Variants in NAV3 observed in about 807,000 individuals in gnomAD.
NAV3 encodes the protein neuron navigator 3, also known as pore membrane and/or filament interacting like protein 1.
Under a neutral mutation model 244.7 loss-of-function variants are expected in NAV3, and 87 were observed. The observed-to-expected ratio is 0.36, with a 90% CI of 0.30 to 0.42. NAV3 has a LOEUF of 0.42. Among genes scored for constraint, NAV3 ranks in the 20% least tolerant of loss-of-function variants. NAV3 has a pLI of 1.00. For missense variants in NAV3, 2,663 were observed against 2,893.3 expected (o/e 0.92, Z 1.83); for synonymous variants, 1,126 against 1,042.2 (o/e 1.08, Z -1.55).
chr12:77,772,416 C>G (rs973496063), intron 2 of NAV3, among the ~76,000 whole-genome samples: 63 of 152,148 alleles, frequency 4.1e-4, no homozygotes, highest in Non-Finnish European at 3.4e-4. Context: ...TAAACTTCAA[C>G]TCTACTGGTC....
intron 2 of NAV3, among the ~76,000 whole-genome samples, chr12:77,804,090 CTGA>C (rs1871849427): frequency 1.3e-5 from 2 of 152,106 alleles, no homozygotes; most frequent in Non-Finnish European, 2.9e-5. Flanking sequence ...CCTGTTCACT[CTGA>C]TGATAGTTTT....
At chr12:77,976,583 T>C (rs1430600454) in intron 5 of NAV3, among the ~76,000 whole-genome samples, 3 of 152,018 alleles carry the variant, frequency 2.0e-5, no homozygotes, top group Non-Finnish European at 2.9e-5. Context: ...CCATTCTAAA[T>C]AGTTTATACA....
chr12:77,951,255 C>T (rs932259204), intron 3 of NAV3, among the ~76,000 whole-genome samples: 20 of 152,106 alleles, frequency 1.3e-4, no homozygotes, highest in South Asian at 4.1e-4. Flanking sequence ...AACAAGTGGG[C>T]GAAGGATATG....
chr12:78,188,621 C>T lies in NAV3; in HGVS notation c.5899C>T (p.Arg1967Ter), dbSNP rs776913840. The change falls in exon 33 of 40, where the codon CGA (arginine) becomes TGA (stop). Residue 1967 changes from arginine to a stop codon, truncating the protein, a stop_gained. Transcript: ENST00000397909. LOFTEE classifies it high-confidence loss of function. ...TGTACCATTGTAGGAATATGTATTC[C>T]GAATTGATACATCCACTAGCCTTGG... ...IRRLFKEYVF[R>*]IDTSTSLGLS... The T allele has an allele frequency of 6.2e-7, 1 of 1,610,030 alleles. No homozygotes were observed. The highest frequency in any genetic ancestry group is 1.7e-5 in the Admixed American group (1 of 59,506).
intron 3 of NAV3, among the ~76,000 whole-genome samples, chr12:77,965,039 G>T (rs989461379): frequency 6.6e-6 from 1 of 152,096 alleles, no homozygotes. Flanking sequence ...AACTCTGTGT[G>T]TCCTCATGCA....
At chr12:77,786,963 T>C (rs1398255674) in intron 2 of NAV3, among the ~76,000 whole-genome samples, 2 of 152,024 alleles carry the variant, frequency 1.3e-5, no homozygotes, top group Non-Finnish European at 2.9e-5. Flanking sequence ...AAAAGAGCCT[T>C]GTTGTTTAAT....
At chr12:78,182,713 GT>G (rs529587128) in intron 30 of NAV3, among the ~76,000 whole-genome samples, 88 of 151,646 alleles carry the variant, frequency 5.8e-4, no homozygotes, top group African/African-American at 2.1e-3. Context: ...CAAGTTTTAC[GT>G]TTTTTTAATA....
chr12:77,944,320 A>C (rs888613600), intron 3 of NAV3, among the ~76,000 whole-genome samples: 7 of 152,266 alleles, frequency 4.6e-5, no homozygotes, highest in African/African-American at 1.7e-4. Flanking sequence ...AGATCACCCT[A>C]GATGCTTTAT....
chr12:77,976,666 C>CTTTCTTTTTTTTTTT (rs1446044531), intron 5 of NAV3, among the ~76,000 whole-genome samples: 18 of 58,064 alleles, frequency 3.1e-4, no homozygotes, highest in East Asian at 5.4e-4. Context: ...TTCTTTCTTT[C>CTTTCTTTTTTTTTTT]TTTTTTTCTT....
intron 1 of NAV3, among the ~76,000 whole-genome samples, chr12:77,923,707 G>C (rs1340657894): frequency 6.6e-6 from 1 of 152,072 alleles, no homozygotes; most frequent in East Asian, 1.9e-4. Context: ...AAGGACCCCA[G>C]CAGTGGAAAC....
At chr12:78,002,638 G>A (rs1873498431) in intron 7 of NAV3, among the ~76,000 whole-genome samples, 1 of 151,992 alleles carries the variant, frequency 6.6e-6, no homozygotes, top group South Asian at 2.1e-4. Context: ...TCAAAGAACT[G>A]AACTGTTTTC....
At chr12:77,878,428 CAT>C (rs890708728) in intron 1 of NAV3, among the ~76,000 whole-genome samples, 23 of 152,044 alleles carry the variant, frequency 1.5e-4, no homozygotes, top group African/African-American at 5.5e-4. Context: ...AGGGTTTCAC[CAT>C]GTTGGTCAGG....
At chr12:77,946,519 G>GA (rs1015320458) in intron 3 of NAV3, among the ~76,000 whole-genome samples, 2 of 151,968 alleles carry the variant, frequency 1.3e-5, no homozygotes, top group African/African-American at 4.8e-5. Context: ...ACTGGTCCTG[G>GA]AAAACAGAAC....
At chr12:77,873,734 A>ATT (rs1881378542) in intron 1 of NAV3, among the ~76,000 whole-genome samples, 1 of 85,292 alleles carries the variant, frequency 1.2e-5, no homozygotes, top group Non-Finnish European at 2.7e-5. Flanking sequence ...CTAAATACAT[A>ATT]TGTGTGTGTG....
intron 12 of NAV3, among the ~76,000 whole-genome samples, chr12:78,089,176 C>CA (rs767021483): frequency 1.1e-4 from 17 of 151,506 alleles, no homozygotes; most frequent in East Asian, 1.9e-4. Context: ...CCCCTTTTCC[C>CA]AAAAAAAAGT....
chr12:78,119,567 T>C lies in NAV3; in HGVS notation c.3371T>C (p.Val1124Ala), dbSNP rs2138618815. The change falls in exon 15 of 40, where the codon GTG becomes GCG. Residue 1124 changes from valine (V) to alanine (A), a missense_variant. Coordinates refer to ENST00000397909, the MANE Select transcript of NAV3 (RefSeq NM_001024383.2). ...GGTTCACAGAATCAGGATGATGTTG[T>C]GCTGCATGTTAGCTCAAAGACTACC... ...LDGSQNQDDV[V>A]LHVSSKTTLQ... 6.2e-7 allele frequency: 1 copy of C among 1,614,188 alleles called. No individual in the cohort carries two copies. Among genetic ancestry groups the C allele is most frequent in the East Asian group, 2.2e-5 (1 of 44,882 alleles).
intron 6 of NAV3, among the ~76,000 whole-genome samples, chr12:77,997,441 G>A (rs547902437): frequency 2.6e-5 from 4 of 152,112 alleles, no homozygotes; most frequent in East Asian, 1.9e-4. Context: ...ATGAATGATC[G>A]AAACTGATAT....
chr12:77,599,370 C>T (rs534039890), intron 2 of NAV3, among the ~76,000 whole-genome samples: 14 of 151,900 alleles, frequency 9.2e-5, no homozygotes, highest in Non-Finnish European at 1.3e-4. Flanking sequence ...TTGGGTGTTG[C>T]GCATTGTCCT....
At chr12:77,883,631 C>T (rs1028829184) in intron 1 of NAV3, among the ~76,000 whole-genome samples, 4 of 152,048 alleles carry the variant, frequency 2.6e-5, no homozygotes, top group East Asian at 1.9e-4. Context: ...TTTCTTCTAA[C>T]GTATTTACTA....
Sources: gnomAD v4.1 joint callset for allele counts (sites outside exome capture counted in the v4.1 genomes callset) on GRCh38, gnomAD v4.1.1 for gene constraint, MANE v1.5 for transcripts, NCBI Gene and HGNC (gene_info 2026-07-23, HGNC 2026-07-21) for gene names.